SDK1: variants seen among roughly 807,000 people sequenced by gnomAD.
The protein encoded by SDK1 is sidekick cell adhesion molecule 1, also known as protein sidekick-1.
Under a neutral mutation model 245.5 loss-of-function variants are expected in SDK1, and 157 were observed. That is an observed-to-expected ratio of 0.64 (90% CI 0.56 to 0.73). The LOEUF is 0.73. Among genes scored for constraint, SDK1 ranks in the 30% least tolerant of loss-of-function variants. The pLI, the probability that SDK1 is intolerant of heterozygous loss-of-function variation, is 0.00. For synonymous variants in SDK1, 1,647 were observed against 1,278.5 expected (o/e 1.29, Z -6.15); for missense variants, 3,583 against 3,002.3 (o/e 1.19, Z -4.52).
intron 1 of SDK1, among the ~76,000 whole-genome samples, chr7:3,512,991 C>A (rs946887605): frequency 1.3e-5 from 2 of 152,068 alleles, no homozygotes; most frequent in East Asian, 3.9e-4. Flanking sequence ...TGCCTGAAAA[C>A]CTCCCCTGTG....
intron 41 of SDK1, among the ~76,000 whole-genome samples, chr7:4,234,913 C>G (rs1023856587): frequency 2.0e-5 from 3 of 152,198 alleles, no homozygotes; most frequent in Non-Finnish European, 2.9e-5. Context: ...AGGGCCAGCT[C>G]TGTTGGTCCT....
intron 5 of SDK1, among the ~76,000 whole-genome samples, chr7:3,857,519 C>T (rs1185530860): frequency 6.6e-6 from 1 of 151,768 alleles, no homozygotes; most frequent in Non-Finnish European, 1.5e-5. Flanking sequence ...CCCATTTCTA[C>T]AAAAAATAAT....
intron 1 of SDK1, among the ~76,000 whole-genome samples, chr7:3,416,808 G>A (rs936214815): frequency 5.9e-5 from 9 of 152,162 alleles, no homozygotes; most frequent in South Asian, 2.1e-4. Context: ...ATCCCCATCT[G>A]TCTGTCAGAT....
intron 1 of SDK1, among the ~76,000 whole-genome samples, chr7:3,468,613 A>G (rs576493768): frequency 4.0e-4 from 61 of 151,080 alleles, no homozygotes; most frequent in Non-Finnish European, 8.1e-4. Context: ...CATTCCAGAG[A>G]GTGTCCTCCC....
chr7:3,470,657 T>C (rs1456291360), intron 1 of SDK1, among the ~76,000 whole-genome samples: 1 of 152,152 alleles, frequency 6.6e-6, no homozygotes, highest in Non-Finnish European at 1.5e-5. Flanking sequence ...TACAAAGAGT[T>C]ATAGTCTGAT....
At chr7:3,821,057 G>C (rs1334187960) in intron 4 of SDK1, among the ~76,000 whole-genome samples, 1 of 152,216 alleles carries the variant, frequency 6.6e-6, no homozygotes, top group Non-Finnish European at 1.5e-5. Context: ...TAATTCACTT[G>C]CGCTGGGTCA....
Position 3,869,568 on chromosome 7 carries a change from C to T in SDK1, c.847+47985C>T, listed in dbSNP as rs184422165. On this transcript the variant is annotated intron_variant, in intron 5 of 44. Transcript: ENST00000404826. ...TCCTGCAGCGGCCACCCTGTGCCCCCAGCCCGCTGCGTCCTCTTCCCAGCA... is the reference window on the plus strand; with the variant it reads ...TCCTGCAGCGGCCACCCTGTGCCCCTAGCCCGCTGCGTCCTCTTCCCAGCA... Among the ~76,000 whole-genome samples, 740 of 152,328 alleles carry T rather than the reference C, an allele frequency of 4.9e-3. 5 individuals are homozygous for T. The highest frequency in any genetic ancestry group is 0.017 in the African/African-American group (702 of 41,572).
At chr7:3,833,656 G>A (rs368679638) in intron 5 of SDK1, among the ~76,000 whole-genome samples, 5 of 152,156 alleles carry the variant, frequency 3.3e-5, no homozygotes, top group Admixed American at 2.6e-4. Flanking sequence ...TTCATACTTC[G>A]TTAGCCTACT....
intron 1 of SDK1, among the ~76,000 whole-genome samples, chr7:3,580,931 C>T (rs1048349926): frequency 3.9e-5 from 5 of 127,208 alleles, no homozygotes; most frequent in African/African-American, 1.5e-4. Context: ...ATTGCACCAC[C>T]ACATTCCAGC....
At chr7:4,205,822 G>A in intron 35 of SDK1, 57 bp from the exon 36 acceptor site, 1 of 1,387,262 alleles carries the variant, frequency 7.2e-7, no homozygotes, top group African/African-American at 1.4e-5. Flanking sequence ...GTGGGCGAGG[G>A]TCCGGGCCGG....
At chr7:4,131,131 A>G (rs974515845) in intron 27 of SDK1, among the ~76,000 whole-genome samples, 1 of 152,170 alleles carries the variant, frequency 6.6e-6, no homozygotes, top group Non-Finnish European at 1.5e-5. Flanking sequence ...CTCCTGCTCC[A>G]GTGTATTCCA....
intron 5 of SDK1, among the ~76,000 whole-genome samples, chr7:3,915,268 G>C (rs1779329569): frequency 6.6e-6 from 1 of 152,170 alleles, no homozygotes; most frequent in African/African-American, 2.4e-5. Context: ...GCCCTTGTTG[G>C]AGCCAGGGGA....
chr7:3,647,726 T>C (rs568061240), intron 4 of SDK1, among the ~76,000 whole-genome samples: 35 of 152,120 alleles, frequency 2.3e-4, no homozygotes, highest in African/African-American at 7.5e-4. Flanking sequence ...GCCCGGCCAG[T>C]TTTAGGTGGT....
chr7:3,507,301 C>A (rs1488218642), intron 1 of SDK1, among the ~76,000 whole-genome samples: 1 of 152,170 alleles, frequency 6.6e-6, no homozygotes. Flanking sequence ...CCAAGGGGAC[C>A]TGTATGCGGA....
rs557686711 is a variant in SDK1, at chr7:3,912,729, G to C, written c.848-38194G>C. On this transcript the variant is annotated intron_variant, in intron 5 of 44. Transcript: ENST00000404826. ...TTCTCCTCTGGCAGAGACCGGCACG[G>C]TCTGGCCCGTGGGGGCTCAAGACAG... Among the ~76,000 whole-genome samples, 69 of 152,388 alleles carry C rather than the reference G, an allele frequency of 4.5e-4. 1 individual carries two copies. Among genetic ancestry groups the C allele is most frequent in the African/African-American group, 1.7e-3 (69 of 41,600 alleles).
rs73300394 is a variant in SDK1, at chr7:3,419,505, C to T, written c.298+117621C>T. On this transcript the variant is annotated intron_variant, in intron 1 of 44. Transcript: ENST00000404826. The stretch of plus-strand genomic sequence containing the variant: ...TGCTTTCTCCCACCCGGCAGGTCCG[C>T]AGGGGGTTGCTGTTTCGAAAGTATT... 9.2e-3 allele frequency among the ~76,000 whole-genome samples: 1,397 copies of T among 152,252 alleles called. 28 individuals are homozygous for T. The highest frequency in any genetic ancestry group is 0.032 in the African/African-American group (1,316 of 41,546).
At chr7:4,136,940 G>A (rs1023370099) in intron 28 of SDK1, among the ~76,000 whole-genome samples, 4 of 152,236 alleles carry the variant, frequency 2.6e-5, no homozygotes, top group Non-Finnish European at 4.4e-5. Flanking sequence ...GCCAGCGTGG[G>A]CGTCCTGGGG....
intron 1 of SDK1, among the ~76,000 whole-genome samples, chr7:3,576,283 G>T (rs983971841): frequency 1.3e-5 from 2 of 152,154 alleles, no homozygotes; most frequent in Non-Finnish European, 2.9e-5. Flanking sequence ...TGTTTACGGA[G>T]TGCTGACAGT....
At chr7:4,236,589 G>A (rs1350212287) in intron 41 of SDK1, among the ~76,000 whole-genome samples, 1 of 152,006 alleles carries the variant, frequency 6.6e-6, no homozygotes, top group African/African-American at 2.4e-5. Flanking sequence ...TTCCATAGAC[G>A]TGCAGACGGC....
Sources: allele counts gnomAD v4.1 joint callset (sites outside exome capture counted in the v4.1 genomes callset), GRCh38; gene constraint gnomAD v4.1.1; transcripts MANE v1.5; gene names NCBI Gene and HGNC (gene_info 2026-07-23, HGNC 2026-07-21).